Variants in C5 observed in about 807,000 individuals in gnomAD.
C5 encodes complement C5.
C5 carries 140 observed loss-of-function variants against 218.8 expected under a neutral mutation model. The ratio of observed to expected loss-of-function variants is 0.64; its 90% CI spans 0.56 to 0.74. The LOEUF is 0.74. Ranked by LOEUF, C5 falls within the 30% of genes least tolerant of loss-of-function variation. The probability of loss-of-function intolerance (pLI) is 0.00; values close to 1 mark genes in which losing one functional copy is unlikely to be tolerated. For synonymous variants in C5, 614 were observed against 682.3 expected, an observed-to-expected ratio of 0.90 and a Z score of 1.56; for missense variants, 1,700 against 1,969.6, an observed-to-expected ratio of 0.86 and a Z score of 2.59.
intron 39 of C5, among the ~76,000 whole-genome samples, chr9:120,955,209 A>G (rs940764232): frequency 6.6e-6 from 1 of 152,174 alleles, no homozygotes; most frequent in East Asian, 1.9e-4. Context: ...TATATTTATA[A>G]AAATTCAAAA....
chr9:121,017,618 T>A (rs773942641), intron 13 of C5, 25 bp downstream of exon 13: 3 of 1,608,898 alleles, frequency 1.9e-6, no homozygotes, highest in Admixed American at 1.7e-5. Flanking sequence ...GAAAATTCAA[T>A]TGTGACTTAT....
rs558221480 is a variant in C5, at chr9:121,046,465, G to A, written c.66-82C>T. 4.5e-5 allele frequency: 43 copies of A among 952,996 alleles called. No homozygotes were observed. The Middle Eastern group carries it at 8.7e-4, about 19-fold the overall frequency. 59.0% of individuals were successfully genotyped at this position (952,996 alleles called of 1,614,324 possible). A position where few individuals can be genotyped will look rare whatever the true frequency, so the allele number is the denominator to read the frequency against. On this transcript the variant is annotated intron_variant, in intron 1 of 40. Coordinates refer to ENST00000223642, the MANE Select transcript of C5 (RefSeq NM_001735.3). ...CTTTTGATTTTTTTCTCTCACTTGA[G>A]AGATTCCATTTAAAATACATATATT... is the stretch of plus-strand genomic sequence containing the variant.
At chr9:121,006,638 T>C (rs1253283558) in intron 19 of C5, among the ~76,000 whole-genome samples, 2 of 151,640 alleles carry the variant, frequency 1.3e-5, no homozygotes, top group Admixed American at 6.6e-5. Flanking sequence ...AAACTAGGAG[T>C]TTGAGACCAG....
At chr9:120,993,421 T>TTTTA (rs1554721282) in intron 22 of C5, among the ~76,000 whole-genome samples, 2 of 150,842 alleles carry the variant, frequency 1.3e-5, no homozygotes, top group Non-Finnish European at 3.0e-5. Flanking sequence ...AACAATAGAG[T>TTTTA]TATATATATA....
chr9:120,955,645 A>G (rs2046778882), intron 39 of C5, among the ~76,000 whole-genome samples: 1 of 152,162 alleles, frequency 6.6e-6, no homozygotes, highest in African/African-American at 2.4e-5. Context: ...ATGAAGAAAA[A>G]AATAAAATAA....
At chr9:121,037,860 T>TTAAA (rs1331843003) in intron 4 of C5, 21 bp downstream of exon 4, 81 of 1,141,790 alleles carry the variant, frequency 7.1e-5, no homozygotes, top group Non-Finnish European at 9.7e-5. Flanking sequence ...AAAGTATTAT[T>TTAAA]TAAATAAATA....
At chr9:120,979,740 T>G (rs2046978011) in intron 28 of C5, 3 of 288,952 alleles carry the variant, frequency 1.0e-5, no homozygotes, top group Non-Finnish European at 2.0e-5. Flanking sequence ...TAAAAAAAAG[T>G]AACTGGGTTC....
rs1173984512 is a variant in C5 at position 121,014,011 on chromosome 9, T to C, written c.2119A>G (p.Asn707Asp). ...KCCYDGACVN[N>D]DETCEQRAAR... is the part of the protein sequence containing the mutation. ...GCTCGCTGCTCACAGGTTTCATCAT[T>C]ATTAACGCAGGCTCCATCGTAACAA... The change falls in exon 17 of 41, where the codon AAT (asparagine) becomes GAT (aspartate). Residue 707 changes from asparagine (N) to aspartate (D), a missense_variant. By Grantham distance (23) the Asn-to-Asp change is conservative (BLOSUM62 1). Coordinates refer to ENST00000223642, the MANE Select transcript of C5 (RefSeq NM_001735.3). 1 of 1,614,194 alleles carries C rather than the reference T, an allele frequency of 6.2e-7. No individual in the cohort carries two copies. Among genetic ancestry groups the C allele is most frequent in the African/African-American group, 1.3e-5 (1 of 75,042 alleles).
intron 3 of C5, among the ~76,000 whole-genome samples, chr9:121,041,730 G>A (rs1312864179): frequency 6.6e-6 from 1 of 152,170 alleles, no homozygotes; most frequent in East Asian, 1.9e-4. Context: ...ATCCTTCAAT[G>A]TAGGAGGAGG....
chr9:120,973,021 T>C (rs1023686073), intron 30 of C5, among the ~76,000 whole-genome samples: 8 of 152,180 alleles, frequency 5.3e-5, no homozygotes, highest in Non-Finnish European at 1.0e-4. Context: ...CTTAATCACA[T>C]ACATGTTACA....
At chr9:121,023,584 T>A in intron 9 of C5, 65 bp from the exon 10 acceptor site, 1 of 879,282 alleles carries the variant, frequency 1.1e-6, no homozygotes, top group South Asian at 1.3e-5. Context: ...TGGATATCCA[T>A]TTCATCTCTA....
In C5 at chr9:120,976,899, G is replaced by A; in HGVS notation, c.3665C>T (p.Pro1222Leu). 6.2e-7 allele frequency: 1 copy of A among 1,612,778 alleles called. No individual in the cohort carries two copies. The highest frequency in any genetic ancestry group is 8.5e-7 in the Non-Finnish European group (1 of 1,178,912). ...GTCTTTCCAAAAACGATAAATGGGT[G>A]GATTACCTGAACATCAACAAATTCC... ...LKREALVKGN[P>L]PIYRFWKDNL... Residue 1222 changes from proline to leucine, a missense_variant, in exon 29 of 41, where the codon CCA (proline) becomes CTA (leucine). Transcript: ENST00000223642.
At chr9:121,011,390 A>C (rs1024690751) in intron 17 of C5, among the ~76,000 whole-genome samples, 3 of 152,246 alleles carry the variant, frequency 2.0e-5, no homozygotes, top group Non-Finnish European at 4.4e-5. Context: ...CAACATCAGT[A>C]ATCACCAGAG....
chr9:121,055,662 A>G, the C5 span, among the ~76,000 whole-genome samples: 1 of 152,152 alleles, frequency 6.6e-6, no homozygotes, highest in South Asian at 2.1e-4. Context: ...GTTGGTACGG[A>G]CTTGGTCCTG....
chr9:120,974,179 G>A (rs73662468), intron 30 of C5, among the ~76,000 whole-genome samples: 367 of 152,230 alleles, frequency 2.4e-3, no homozygotes, highest in African/African-American at 8.6e-3. Context: ...AACATGTCTT[G>A]TTCTTTGTGA....
intron 22 of C5, among the ~76,000 whole-genome samples, chr9:120,994,107 CT>C (rs577365781): frequency 4.1e-4 from 62 of 152,170 alleles, no homozygotes; most frequent in African/African-American, 1.4e-3. Flanking sequence ...TGTGTTTAGT[CT>C]TTTTTTAAGC....
upstream of C5, among the ~76,000 whole-genome samples, chr9:121,052,420 C>A (rs954093271): frequency 6.7e-6 from 1 of 148,410 alleles, no homozygotes; most frequent in Non-Finnish European, 1.5e-5. Context: ...CCACCGCACT[C>A]CAGCCTGAGC....
At chr9:121,056,444 G>C in the C5 span, among the ~76,000 whole-genome samples, 16 of 152,150 alleles carry the variant, frequency 1.1e-4, no homozygotes, top group Non-Finnish European at 1.9e-4. Flanking sequence ...TCTGGAGCTG[G>C]CTAAAATATA....
At chr9:121,070,940 A>G in the C5 span, among the ~76,000 whole-genome samples, 5 of 152,240 alleles carry the variant, frequency 3.3e-5, no homozygotes, top group Non-Finnish European at 7.3e-5. Context: ...AATTACTCCA[A>G]CCACTATACA....
Sources: gnomAD v4.1 joint callset for allele counts (sites outside exome capture counted in the v4.1 genomes callset) on GRCh38, gnomAD v4.1.1 for gene constraint, MANE v1.5 for transcripts, NCBI Gene and HGNC (gene_info 2026-07-23, HGNC 2026-07-21) for gene names.